Variants in YEATS4 observed in about 807,000 individuals in gnomAD.
YEATS4 encodes the protein YEATS domain containing 4.
A neutral mutation model predicts 30.1 loss-of-function variants in YEATS4; 17 were observed. That is an observed-to-expected ratio of 0.56 (90% CI 0.39 to 0.85). The LOEUF (loss-of-function observed/expected upper bound fraction) is 0.85, where lower values mean the gene tolerates loss of function less well. Among genes scored for constraint, YEATS4 ranks in the 40% least tolerant of loss-of-function variants. YEATS4 has a pLI of 0.00. For missense variants in YEATS4, 142 were observed against 268.3 expected (o/e 0.53, Z 3.29); for synonymous variants, 85 against 87.5 (o/e 0.97, Z 0.16).
chr12:69,362,802 T>C lies in YEATS4; in HGVS notation c.66T>C (p.Val22=), dbSNP rs766764089. ...TTTTCTTTTAGGGTGTTACTATCGT[T>C]AAACCAATAGTTTACGGTAATGTTG... ...SGGRVKGVTI[V]KPIVYGNVAR... Residue 22 remains valine, a synonymous_variant, in exon 2 of 7, where the codon GTT becomes GTC. Transcript: ENST00000247843. 6.2e-7 allele frequency: 1 copy of C among 1,607,400 alleles called. No individual in the cohort carries two copies. The highest frequency in any genetic ancestry group is 2.2e-5 in the East Asian group (1 of 44,684).
chr12:69,413,602 A>T, the YEATS4 span, among the ~76,000 whole-genome samples: 1 of 146,454 alleles, frequency 6.8e-6, no homozygotes, highest in East Asian at 2.1e-4. Flanking sequence ...CTGTAATCCC[A>T]GCACTTTGGG....
chr12:69,409,503 G>A, the YEATS4 span, among the ~76,000 whole-genome samples: 2 of 151,954 alleles, frequency 1.3e-5, no homozygotes, highest in African/African-American at 4.8e-5. Context: ...TGTAGTCCCA[G>A]CTACTCGGGA....
chr12:69,379,145 T>C (rs1397049061), intron 6 of YEATS4, among the ~76,000 whole-genome samples: 2 of 152,202 alleles, frequency 1.3e-5, no homozygotes, highest in Non-Finnish European at 2.9e-5. Flanking sequence ...CCATTGTATG[T>C]TACTTGTTTT....
chr12:69,365,594 T>C, intron 2 of YEATS4, 39 bp from the exon 3 acceptor site: 1 of 1,454,302 alleles, frequency 6.9e-7, no homozygotes. Flanking sequence ...CTAGTTTTCA[T>C]TTGTAGATCA....
At chr12:69,404,428 A>G in the YEATS4 span, among the ~76,000 whole-genome samples, 1 of 152,170 alleles carries the variant, frequency 6.6e-6, no homozygotes, top group East Asian at 1.9e-4. Flanking sequence ...CTGTTTTCTC[A>G]GAGGTGGGTT....
the YEATS4 span, among the ~76,000 whole-genome samples, chr12:69,426,781 C>T: frequency 6.6e-6 from 1 of 152,038 alleles, no homozygotes; most frequent in East Asian, 1.9e-4. Flanking sequence ...TGTGAAAAAT[C>T]AATCTGTTCA....
chr12:69,392,687 G>T (rs1868325069), downstream of YEATS4, among the ~76,000 whole-genome samples: 1 of 152,298 alleles, frequency 6.6e-6, no homozygotes, highest in Non-Finnish European at 1.5e-5. Context: ...ACCAATGTAG[G>T]TGTTTGGTGC....
downstream of YEATS4, among the ~76,000 whole-genome samples, chr12:69,395,174 A>T (rs1328231026): frequency 1.3e-5 from 2 of 152,124 alleles, no homozygotes; most frequent in Non-Finnish European, 2.9e-5. Context: ...AGTTTTAGGA[A>T]TATATTATTT....
the YEATS4 span, among the ~76,000 whole-genome samples, chr12:69,397,692 G>A: frequency 6.6e-6 from 1 of 152,040 alleles, no homozygotes; most frequent in Middle Eastern, 3.2e-3. Flanking sequence ...TTTATTAGCA[G>A]CATGAAAATG....
chr12:69,405,391 T>C, the YEATS4 span, among the ~76,000 whole-genome samples: 3 of 152,244 alleles, frequency 2.0e-5, no homozygotes, highest in Non-Finnish European at 4.4e-5. Flanking sequence ...CTCGATTTCA[T>C]GGATAGATGA....
intron 6 of YEATS4, among the ~76,000 whole-genome samples, chr12:69,381,312 GAA>G (rs970028943): frequency 6.6e-6 from 1 of 152,208 alleles, no homozygotes; most frequent in Non-Finnish European, 1.5e-5. Flanking sequence ...GCTTTTGAAA[GAA>G]GAGAAATATG....
At chr12:69,391,400 G>A (rs1209909919), downstream of YEATS4, among the ~76,000 whole-genome samples, 2 of 151,952 alleles carry the variant, frequency 1.3e-5, no homozygotes, top group Non-Finnish European at 2.9e-5. Context: ...AGCCTCTTCT[G>A]TTCAAATCCA....
the YEATS4 span, among the ~76,000 whole-genome samples, chr12:69,414,558 G>A: frequency 1.3e-5 from 2 of 152,062 alleles, no homozygotes; most frequent in Non-Finnish European, 2.9e-5. Flanking sequence ...CCCCCAAATT[G>A]GACAAATTAT....
chr12:69,425,395 G>A, the YEATS4 span, among the ~76,000 whole-genome samples: 4 of 152,296 alleles, frequency 2.6e-5, no homozygotes, highest in South Asian at 2.1e-4. Flanking sequence ...AAGGACAATC[G>A]TGAGCTTTTT....
intron 6 of YEATS4, among the ~76,000 whole-genome samples, chr12:69,380,908 A>G (rs1876050614): frequency 6.6e-6 from 1 of 152,262 alleles, no homozygotes; most frequent in Non-Finnish European, 1.5e-5. Context: ...GAGGGAGTGT[A>G]TGAATAGGGT....
At chr12:69,370,670 C>A in intron 4 of YEATS4, 36 bp from the exon 5 acceptor site, 1 of 1,479,408 alleles carries the variant, frequency 6.8e-7, no homozygotes, top group Non-Finnish European at 9.0e-7. Context: ...TGATAAAAAC[C>A]ATTGCACAGA....
At chr12:69,368,740 A>G (rs574344118) in intron 4 of YEATS4, among the ~76,000 whole-genome samples, 3 of 152,204 alleles carry the variant, frequency 2.0e-5, no homozygotes, top group African/African-American at 7.2e-5. Flanking sequence ...CCAGCCCCAG[A>G]TGTTCCTTGG....
chr12:69,393,302 C>T (rs1161238282), downstream of YEATS4, among the ~76,000 whole-genome samples: 1 of 152,010 alleles, frequency 6.6e-6, no homozygotes, highest in Non-Finnish European at 1.5e-5. Flanking sequence ...AAACAAAAGA[C>T]ACAAACAACA....
chr12:69,420,931 G>C, the YEATS4 span, among the ~76,000 whole-genome samples: 1 of 152,104 alleles, frequency 6.6e-6, no homozygotes, highest in East Asian at 1.9e-4. Flanking sequence ...TCTTTCATTT[G>C]GCATAGTGTT....
Sources: allele counts gnomAD v4.1 joint callset (sites outside exome capture counted in the v4.1 genomes callset), GRCh38; gene constraint gnomAD v4.1.1; transcripts MANE v1.5; gene names NCBI Gene and HGNC (gene_info 2026-07-23, HGNC 2026-07-21).